Variants in SLC28A1 observed in about 807,000 individuals in gnomAD.
SLC28A1 encodes the protein sodium/nucleoside cotransporter 1.
Under a neutral mutation model 74.8 loss-of-function variants are expected in SLC28A1, and 64 were observed. That is an observed-to-expected ratio of 0.86 (90% CI 0.70 to 1.05). The LOEUF (loss-of-function observed/expected upper bound fraction) is 1.05, where lower values mean the gene tolerates loss of function less well. Among genes scored for constraint, SLC28A1 ranks in the 50% least tolerant of loss-of-function variants. SLC28A1 has a pLI of 0.00. For missense variants in SLC28A1, 828 were observed against 822.8 expected (o/e 1.01, Z -0.08); for synonymous variants, 359 against 335.0 (o/e 1.07, Z -0.78).
At chr15:84,970,553 A>G in the SLC28A1 span, among the ~76,000 whole-genome samples, 1 of 152,152 alleles carries the variant, frequency 6.6e-6, no homozygotes, top group Admixed American at 6.5e-5. Context: ...ACAGATGGGG[A>G]CCTGAGCTTG....
intron 6 of SLC28A1, among the ~76,000 whole-genome samples, chr15:84,903,880 T>A (rs529982863): frequency 1.1e-4 from 16 of 152,278 alleles, no homozygotes; most frequent in African/African-American, 3.9e-4. Flanking sequence ...ATGAGGAAAC[T>A]AGACTCAGAG....
intron 15 of SLC28A1, 39 bp downstream of exon 15, chr15:84,935,557 C>G: frequency 6.4e-7 from 1 of 1,559,918 alleles, no homozygotes. Flanking sequence ...AGGGGGATGA[C>G]ACGGCACAGC....
intron 10 of SLC28A1, among the ~76,000 whole-genome samples, chr15:84,920,387 A>G (rs1449665271): frequency 2.0e-5 from 3 of 149,952 alleles, no homozygotes; most frequent in Non-Finnish European, 3.0e-5. Context: ...CAGAGGTTGC[A>G]GTGAGCCAAG....
chr15:84,969,863 C>T, the SLC28A1 span, among the ~76,000 whole-genome samples: 1 of 152,024 alleles, frequency 6.6e-6, no homozygotes, highest in East Asian at 1.9e-4. Flanking sequence ...TCTCTCTCGT[C>T]GAGCCTTGAT....
At chr15:84,968,703 C>T in the SLC28A1 span, among the ~76,000 whole-genome samples, 1 of 152,228 alleles carries the variant, frequency 6.6e-6, no homozygotes, top group Non-Finnish European at 1.5e-5. Flanking sequence ...CCTAATTGAG[C>T]TGTGGAACCA....
chr15:84,910,867 C>T lies in SLC28A1; in HGVS notation c.795+2072C>T, dbSNP rs568885171. Among the ~76,000 whole-genome samples, 29 of 152,208 alleles carry T rather than the reference C, an allele frequency of 1.9e-4. No homozygotes were observed. The East Asian group carries it at 5.2e-3, about 27-fold the overall frequency. ...AGGAGAGATTCTTCTAATAAGAGAC[C>T]GTGAGGGAGACTCCTTGAGGAGGCA... On this transcript the variant is annotated intron_variant, in intron 9 of 18. Coordinates refer to ENST00000394573, the MANE Select transcript of SLC28A1 (RefSeq NM_004213.5).
At chr15:84,919,798 T>G (rs1969580696) in intron 10 of SLC28A1, among the ~76,000 whole-genome samples, 1 of 152,238 alleles carries the variant, frequency 6.6e-6, no homozygotes, top group South Asian at 2.1e-4. Context: ...TATATATTTT[T>G]ATTTGGCAAT....
chr15:84,950,601 C>T (rs553269009), downstream of SLC28A1, among the ~76,000 whole-genome samples: 44 of 152,078 alleles, frequency 2.9e-4, no homozygotes, highest in Admixed American at 9.8e-4. Flanking sequence ...TAGATACTCA[C>T]GAGGTTGAGG....
chr15:84,960,228 CTTTTTTTTTTTTTTTTTTTTTTTTTT>C, the SLC28A1 span, among the ~76,000 whole-genome samples: 5 of 85,588 alleles, frequency 5.8e-5, no homozygotes, highest in East Asian at 3.6e-4. Context: ...TGCCTGCCTG[CTTTTTTTTTTTTTTTTTTTTTTTTTT>C]TTTTTTTTTT....
chr15:84,943,415 C>G (rs376871935), intron 15 of SLC28A1, 30 bp from the exon 16 acceptor site: 35 of 1,510,012 alleles, frequency 2.3e-5, no homozygotes, highest in East Asian at 4.5e-5. Flanking sequence ...CTGAGGGGAG[C>G]CCCTCCTCAT....
intron 9 of SLC28A1, among the ~76,000 whole-genome samples, chr15:84,911,695 C>A (rs1321959132): frequency 6.6e-6 from 1 of 151,908 alleles, no homozygotes; most frequent in Non-Finnish European, 1.5e-5. Flanking sequence ...CCCATCTCTA[C>A]TAAAAATACA....
chr15:84,944,105 A>G (rs1973030618), intron 16 of SLC28A1, among the ~76,000 whole-genome samples: 1 of 152,184 alleles, frequency 6.6e-6, no homozygotes, highest in Admixed American at 6.5e-5. Context: ...GTGGACAGGC[A>G]GGCAGGCCTG....
the SLC28A1 span, among the ~76,000 whole-genome samples, chr15:84,951,176 C>T: frequency 2.6e-5 from 4 of 152,162 alleles, no homozygotes; most frequent in East Asian, 1.9e-4. Context: ...AGCCTGAGGC[C>T]GTGGCTCGCC....
At position 84,921,042 on chromosome 15, in the gene SLC28A1, T is replaced by G; in HGVS notation, c.930T>G (p.Ser310Arg). The G allele has an allele frequency of 6.2e-7, 1 of 1,613,908 alleles. No individual in the cohort carries two copies. The highest frequency in any genetic ancestry group is 8.5e-7 in the Non-Finnish European group (1 of 1,179,860). The change falls in exon 11 of 19, where the codon AGT becomes AGG. Residue 310 changes from serine (S) to arginine (R), a missense_variant. By Grantham distance (110) the Ser-to-Arg change is moderately radical. This residue lies in a region of SLC28A1 where 767 missense variants were observed against 753.5 expected (regional missense o/e 1.02). Coordinates refer to ENST00000394573, the MANE Select transcript of SLC28A1 (RefSeq NM_004213.5). ...GCACCACAGCCACTGAGACCCTGAGTGTGGCTGGAAACATCTTTGTGAGCC... is the reference window on the plus strand; with the variant it reads ...GCACCACAGCCACTGAGACCCTGAGGGTGGCTGGAAACATCTTTGTGAGCC... ...TMGTTATETL[S>R]VAGNIFVSQT...
chr15:84,911,164 G>A (rs571179174), intron 9 of SLC28A1, among the ~76,000 whole-genome samples: 7 of 151,970 alleles, frequency 4.6e-5, no homozygotes, highest in South Asian at 2.1e-4. Context: ...TCTCTCCTGC[G>A]TCATTGCTGG....
the SLC28A1 span, among the ~76,000 whole-genome samples, chr15:84,967,883 G>A: frequency 6.6e-6 from 1 of 152,284 alleles, no homozygotes; most frequent in East Asian, 1.9e-4. Context: ...GAATGAATAT[G>A]CAGGCAGGGT....
the SLC28A1 span, among the ~76,000 whole-genome samples, chr15:84,968,631 G>C: frequency 6.6e-6 from 1 of 152,206 alleles, no homozygotes; most frequent in Non-Finnish European, 1.5e-5. Flanking sequence ...TCTAACATGG[G>C]AGGCAAGGCT....
the SLC28A1 span, among the ~76,000 whole-genome samples, chr15:84,950,889 G>A: frequency 6.0e-4 from 92 of 152,174 alleles, no homozygotes; most frequent in African/African-American, 1.9e-3. Context: ...CCATATTGCC[G>A]TGTTACGACT....
intron 5 of SLC28A1, among the ~76,000 whole-genome samples, chr15:84,893,417 A>G (rs1965590865): frequency 6.6e-6 from 1 of 152,038 alleles, no homozygotes; most frequent in African/African-American, 2.4e-5. Flanking sequence ...TCAGGTAGGA[A>G]CTCCAGCCCA....
Sources: allele counts gnomAD v4.1 joint callset (sites outside exome capture counted in the v4.1 genomes callset), GRCh38; gene constraint gnomAD v4.1.1; regional missense constraint gnomAD v4.1.1; transcripts MANE v1.5; gene names NCBI Gene and HGNC (gene_info 2026-07-23, HGNC 2026-07-21).